The following MACF1 variants were observed in gnomAD, a reference collection of about 807,000 sequenced individuals.
MACF1 encodes microtubule actin crosslinking factor 1, also known as microtubule-actin cross-linking factor 1.
A neutral mutation model predicts 854.8 loss-of-function variants in MACF1; 193 were observed. The observed-to-expected ratio is 0.23, with a 90% CI of 0.20 to 0.25. The LOEUF is 0.25. MACF1 is among the 10% of genes least tolerant of loss of function. The pLI is 1.00. For missense variants in MACF1, 7,722 were observed against 8,929.1 expected, an observed-to-expected ratio of 0.86 and a Z score of 5.45; for synonymous variants, 3,185 against 3,226.7, an observed-to-expected ratio of 0.99 and a Z score of 0.44.
chr1:39,189,551 A>G (rs2148245432), intron 2 of MACF1, among the ~76,000 whole-genome samples: 1 of 152,242 alleles, frequency 6.6e-6, no homozygotes, highest in East Asian at 1.9e-4. Flanking sequence ...GGTTCATTCT[A>G]GTGTCACTTG....
chr1:39,203,010 C>T (rs72637904), upstream of MACF1, among the ~76,000 whole-genome samples: 19,551 of 151,938 alleles, frequency 0.13, 1,554 homozygotes, highest in East Asian at 0.19. Context: ...AAACTCTTTC[C>T]TTTTGCTTCA....
At chr1:39,189,766 A>G (rs968268758) in intron 2 of MACF1, among the ~76,000 whole-genome samples, 1 of 152,164 alleles carries the variant, frequency 6.6e-6, no homozygotes, top group Non-Finnish European at 1.5e-5. Context: ...GAGTTCTTAT[A>G]GTCTTGCCCT....
At chr1:39,242,140 G>A (rs1183577151) in intron 2 of MACF1, among the ~76,000 whole-genome samples, 1 of 152,138 alleles carries the variant, frequency 6.6e-6, no homozygotes, top group Non-Finnish European at 1.5e-5. Context: ...TTGAGACCAG[G>A]AGTTCAAGAC....
intron 52 of MACF1, 135 bp from the exon 53 acceptor site, chr1:39,378,326 T>C (rs1397803405): frequency 5.5e-6 from 3 of 549,452 alleles, no homozygotes; most frequent in Non-Finnish European, 1.0e-5. Flanking sequence ...TCTCTTTCCA[T>C]GAGTATGTTG....
chr1:39,103,699 C>T (rs1446772081), intron 2 of MACF1: 2 of 152,302 alleles, frequency 1.3e-5, no homozygotes, highest in Non-Finnish European at 2.9e-5. Flanking sequence ...TTTGTTTTAG[C>T]ACGGAGGATT....
chr1:39,126,111 G>A (rs767582450), intron 2 of MACF1, among the ~76,000 whole-genome samples: 9 of 152,122 alleles, frequency 5.9e-5, no homozygotes, highest in South Asian at 4.1e-4. Context: ...CAATAACGAA[G>A]TACCACAAAC....
chr1:39,358,743 A>T lies in MACF1; in HGVS notation c.11990A>T (p.His3997Leu), dbSNP rs1336240882. 3.7e-6 allele frequency: 6 copies of T among 1,614,016 alleles called. No individual in the cohort carries two copies. In the South Asian group the frequency reaches 6.6e-5, roughly 18 times the overall value. Residue 3997 changes from histidine (H) to leucine (L), a missense_variant, in exon 46 of 101, where the codon CAT becomes CTT. His to Leu is a moderately conservative substitution (Grantham distance 99). Transcript: ENST00000564288. ...SHLNMLLGQY[H>L]QFQNSADSLQ... is the part of the protein sequence containing the mutation. ...CTGAATATGCTGTTAGGCCAGTATC[A>T]TCAATTCCAAAACAGTGCTGACAGC...
intron 2 of MACF1, among the ~76,000 whole-genome samples, chr1:39,234,816 ACC>A (rs1396284286): frequency 1.3e-5 from 1 of 79,172 alleles, no homozygotes; most frequent in African/African-American, 3.4e-5. Context: ...GATGCTCCTC[ACC>A]TCCCAGACGG....
At chr1:39,372,458 G>A in intron 51 of MACF1, 21 bp from the exon 52 acceptor site, 3 of 1,435,896 alleles carry the variant, frequency 2.1e-6, no homozygotes, top group Middle Eastern at 1.7e-4. Flanking sequence ...ACTACATTTG[G>A]CCATTTTCTT....
At chr1:39,327,079 C>T in intron 35 of MACF1, 139 bp from the exon 36 acceptor site, 1 of 799,900 alleles carries the variant, frequency 1.3e-6, no homozygotes, top group Non-Finnish European at 1.9e-6. Context: ...GAAGAACTGA[C>T]TGAAATGCCA....
Position 39,357,578 on chromosome 1 carries a change from G to A in MACF1, c.11628G>A (p.Gln3876=), listed in dbSNP as rs570402604. The stretch of plus-strand genomic sequence containing the variant: ...AACTGAAGCAGGTGCAGACACTTCA[G>A]GATGAGTTGCAGAAATTTCTGCAGG... The part of the protein sequence containing the change: ...EAELKQVQTL[Q]DELQKFLQDH... Residue 3876 remains glutamine (Q), a synonymous_variant, in exon 45 of 101, where the codon CAG becomes CAA. Coordinates refer to ENST00000564288, the MANE Select transcript of MACF1 (RefSeq NM_001394062.1). 1 of 1,614,124 alleles carries A rather than the reference G, an allele frequency of 6.2e-7. No homozygotes were observed. Among genetic ancestry groups the A allele is most frequent in the Admixed American group, 1.7e-5 (1 of 60,016 alleles).
chr1:39,416,105 A>C (rs1643298040), intron 58 of MACF1, among the ~76,000 whole-genome samples: 1 of 152,214 alleles, frequency 6.6e-6, no homozygotes, highest in Admixed American at 6.5e-5. Context: ...ATTGCATGCC[A>C]TAAACTCTTT....
chr1:39,399,947 C>G (rs895266256), intron 58 of MACF1, among the ~76,000 whole-genome samples: 4 of 152,174 alleles, frequency 2.6e-5, no homozygotes, highest in African/African-American at 9.7e-5. Flanking sequence ...ATTCAAAATG[C>G]TATCTACTCT....
chr1:39,122,916 C>T (rs547311791), intron 2 of MACF1, among the ~76,000 whole-genome samples: 25 of 152,104 alleles, frequency 1.6e-4, no homozygotes, highest in African/African-American at 5.3e-4. Flanking sequence ...TGTTAGCTTC[C>T]TCTTAGGTAG....
intron 4 of MACF1, 23 bp from the exon 5 acceptor site, chr1:39,254,275 T>TGTTA: frequency 6.3e-7 from 1 of 1,594,766 alleles, no homozygotes; most frequent in Non-Finnish European, 8.6e-7. Flanking sequence ...AGAATTAACA[T>TGTTA]CCCTTTTTTT....
intron 2 of MACF1, among the ~76,000 whole-genome samples, chr1:39,169,466 C>T (rs766147218): frequency 2.4e-4 from 36 of 151,838 alleles, no homozygotes; most frequent in Non-Finnish European, 5.2e-4. Flanking sequence ...GTAGCCAGAC[C>T]TGGTGGTGTG....
intron 23 of MACF1, among the ~76,000 whole-genome samples, chr1:39,308,140 G>A (rs946887139): frequency 8.6e-5 from 13 of 151,776 alleles, no homozygotes; most frequent in Admixed American, 2.0e-4. Flanking sequence ...TCTTGACCTC[G>A]TGATCTGCCC....
chr1:39,244,761 T>G (rs923800292), intron 2 of MACF1, among the ~76,000 whole-genome samples: 1 of 152,026 alleles, frequency 6.6e-6, no homozygotes, highest in South Asian at 2.1e-4. Flanking sequence ...GTATTTTTAG[T>G]AGATAAAAGG....
intron 2 of MACF1, among the ~76,000 whole-genome samples, chr1:39,198,604 T>G (rs1307947269): frequency 7.2e-6 from 1 of 139,216 alleles, no homozygotes; most frequent in Non-Finnish European, 1.5e-5. Flanking sequence ...TGAGCTGAGA[T>G]CACGCCATTG....
Sources: allele counts gnomAD v4.1 joint callset (sites outside exome capture counted in the v4.1 genomes callset), GRCh38; gene constraint gnomAD v4.1.1; transcripts MANE v1.5; gene names NCBI Gene and HGNC (gene_info 2026-07-23, HGNC 2026-07-21).